Variants in PI4KA observed in about 807,000 individuals in gnomAD.
PI4KA encodes phosphatidylinositol 4-kinase alpha, also known as PI4-kinase alpha.
Under a neutral mutation model 271.4 loss-of-function variants are expected in PI4KA, and 122 were observed. The observed-to-expected ratio is 0.45, with a 90% CI of 0.39 to 0.52. PI4KA has a LOEUF of 0.52. Among genes scored for constraint, PI4KA ranks in the 20% least tolerant of loss-of-function variants. The pLI is 0.00. For missense variants in PI4KA, 1,969 were observed against 2,769.1 expected (o/e 0.71, Z 6.48); for synonymous variants, 1,041 against 1,078.8 (o/e 0.96, Z 0.69).
At chr22:20,832,116 C>CT (rs1350841437) in intron 3 of PI4KA, among the ~76,000 whole-genome samples, 1,700 of 132,354 alleles carry the variant, frequency 0.013, 27 homozygotes, top group African/African-American at 0.033. Flanking sequence ...TTTTGAAATT[C>CT]TTTTTTTTTT....
intron 19 of PI4KA, among the ~76,000 whole-genome samples, chr22:20,777,456 G>T (rs189125918): frequency 6.6e-6 from 1 of 152,082 alleles, no homozygotes; most frequent in Non-Finnish European, 1.5e-5. Context: ...GACCTCAGAT[G>T]ATCCGCCCAC....
rs4052231 is a variant in PI4KA, at chr22:20,718,368, A to G, written c.5246+325T>C. On this transcript the variant is annotated intron_variant, in intron 44 of 54. Transcript: ENST00000255882. ...TGACACCATGAGGATCGATCCTTCA[A>G]AGTGTGGAGAGGGCAGGGTGGCCTC... Among the ~76,000 whole-genome samples, 152,380 of 152,380 alleles carry G rather than the reference A, an allele frequency of 1. 76,190 individuals are homozygous for G. Among genetic ancestry groups the G allele is most frequent in the Non-Finnish European group, 1 (68,044 of 68,044 alleles).
chr22:20,744,541 T>C, intron 30 of PI4KA, 87 bp downstream of exon 30: 1 of 875,742 alleles, frequency 1.1e-6, no homozygotes, highest in Non-Finnish European at 1.9e-6. Flanking sequence ...CGGGACGCTT[T>C]GTTCATTTTC....
intron 31 of PI4KA, 62 bp from the exon 32 acceptor site, chr22:20,742,417 C>T: frequency 6.3e-7 from 1 of 1,589,818 alleles, no homozygotes; most frequent in Non-Finnish European, 8.6e-7. Context: ...AAACAGCTTC[C>T]CTGGGCCAAC....
At position 20,805,071 on chromosome 22, in the gene PI4KA, T is replaced by C. The variant is rs143314518; in HGVS notation, c.1263A>G (p.Ala421=). Residue 421 remains alanine, a synonymous_variant, in exon 11 of 55, where the codon GCA becomes GCG. Transcript: ENST00000255882. ...QGELQKILHD[A]DRIHNELSPL... ...GGCTCAGCTCATTGTGGATCCGGTCTGCGTCATGTAGAATCTTCTGGAGCT... is the reference window on the plus strand; with the variant it reads ...GGCTCAGCTCATTGTGGATCCGGTCCGCGTCATGTAGAATCTTCTGGAGCT... The C allele has an allele frequency of 2.8e-5, 45 of 1,614,036 alleles. No homozygotes were observed. Among genetic ancestry groups the C allele is most frequent in the Non-Finnish European group, 3.7e-5 (44 of 1,179,986 alleles).
intron 25 of PI4KA, 46 bp downstream of exon 25, chr22:20,752,857 A>G (rs1279558385): frequency 6.3e-7 from 1 of 1,584,784 alleles, no homozygotes; most frequent in Non-Finnish European, 8.7e-7. Flanking sequence ...AAATCACAGA[A>G]GTTTATATAC....
intron 19 of PI4KA, among the ~76,000 whole-genome samples, chr22:20,786,588 G>A (rs1934249501): frequency 6.6e-6 from 1 of 152,198 alleles, no homozygotes; most frequent in African/African-American, 2.4e-5. Context: ...GGAGAAGTGC[G>A]CAGCAGTGTG....
chr22:20,820,266 C>T (rs547264602), intron 5 of PI4KA, among the ~76,000 whole-genome samples: 186 of 152,268 alleles, frequency 1.2e-3, no homozygotes, highest in Non-Finnish European at 2.1e-3. Flanking sequence ...CTTTGGAAGT[C>T]AACTAATCTA....
At chr22:20,812,000 G>A (rs546008592) in intron 8 of PI4KA, among the ~76,000 whole-genome samples, 8 of 127,612 alleles carry the variant, frequency 6.3e-5, no homozygotes, top group East Asian at 4.5e-4. Flanking sequence ...GCGACAGGGC[G>A]AGACTCCATC....
intron 29 of PI4KA, among the ~76,000 whole-genome samples, chr22:20,746,064 T>TTC (rs1930044265): frequency 9.0e-6 from 1 of 110,914 alleles, no homozygotes; most frequent in African/African-American, 4.9e-5. Flanking sequence ...AAAAAGAATT[T>TTC]TTTTTTTTTT....
At chr22:20,742,486 T>G (rs1466989536) in intron 31 of PI4KA, 122 bp downstream of exon 31, 5 of 1,536,274 alleles carry the variant, frequency 3.3e-6, no homozygotes, top group Non-Finnish European at 4.4e-6. Flanking sequence ...TCATGAGAGA[T>G]ACTCCTCTAC....
At chr22:20,803,050 G>T in intron 13 of PI4KA, 141 bp downstream of exon 13, 2 of 808,200 alleles carry the variant, frequency 2.5e-6, no homozygotes, top group Non-Finnish European at 4.1e-6. Flanking sequence ...CCTGGAGCTT[G>T]GAGGGGACGC....
rs1351818908 is a variant in PI4KA at position 20,734,443 on chromosome 22, T to G, written c.3852A>C (p.Gln1284His). ...ADPLAASEAS[Q>H]PKPCPPEVTP... is the part of the protein sequence containing the mutation. Reference sequence around the variant, plus strand: ...TCACTTCGGGGGGACAGGGTTTGGGTTGACTTGCTTCCGAGGCAGCCAGGG... The same window carrying G: ...TCACTTCGGGGGGACAGGGTTTGGGGTGACTTGCTTCCGAGGCAGCCAGGG... The change falls in exon 33 of 55, where the codon CAA becomes CAC. Residue 1284 changes from glutamine to histidine, a missense_variant. Transcript: ENST00000255882. 2 of 1,611,166 alleles carry G rather than the reference T, an allele frequency of 1.2e-6. No individual in the cohort carries two copies. The highest frequency in any genetic ancestry group is 1.7e-6 in the Non-Finnish European group (2 of 1,178,240).
chr22:20,777,446 G>A (rs550984511), intron 19 of PI4KA, among the ~76,000 whole-genome samples: 4 of 152,176 alleles, frequency 2.6e-5, no homozygotes, highest in South Asian at 2.1e-4. Context: ...TCGAACTCCC[G>A]ACCTCAGATG....
chr22:20,710,532 C>T lies in PI4KA; in HGVS notation c.6083+167G>A, dbSNP rs914667380. 2.4e-4 allele frequency: 158 copies of T among 663,036 alleles called. No homozygotes were observed. The African/African-American group carries it at 2.5e-3, about 11-fold the overall frequency. The allele number at this position is 663,036 out of a possible 1,614,324, so 41.1% of individuals were successfully genotyped here. A position where few individuals can be genotyped will look rare whatever the true frequency, so the allele number is the denominator to read the frequency against. The stretch of plus-strand genomic sequence containing the variant: ...ATTAGATGTCCAGAGCAAGAATTTA[C>T]TGGCACAGGTGGGCAGACAGAGGTG... On this transcript the variant is annotated intron_variant, in intron 52 of 54. Transcript: ENST00000255882.
Position 20,804,996 on chromosome 22 carries a change from C to T in PI4KA, c.1338G>A (p.Val446=), listed in dbSNP as rs1935557058. 1.2e-6 allele frequency: 2 copies of T among 1,613,712 alleles called. No individual in the cohort carries two copies. Among genetic ancestry groups the T allele is most frequent in the African/African-American group, 1.3e-5 (1 of 75,050 alleles). ...QANAACVDLM[V]WAVKDEQGAE... is the part of the protein sequence containing the mutation. ...CACCCTGCTCGTCCTTCACAGCCCA[C>T]ACCATGAGGTCCACACAGGCAGCAT... is the stretch of plus-strand genomic sequence containing the variant. Residue 446 remains valine, a synonymous_variant, in exon 11 of 55, where the codon GTG becomes GTA. Coordinates refer to ENST00000255882, the MANE Select transcript of PI4KA (RefSeq NM_058004.4).
intron 1 of PI4KA, among the ~76,000 whole-genome samples, chr22:20,839,457 A>C (rs1279435525): frequency 6.6e-6 from 1 of 152,236 alleles, no homozygotes; most frequent in East Asian, 1.9e-4. Flanking sequence ...GGACAGTCTA[A>C]GTGGGTGTCC....
rs61752249 is a variant in PI4KA at position 20,819,813 on chromosome 22, G to A, written c.617C>T (p.Ser206Leu). The A allele has an allele frequency of 1.5e-5, 24 of 1,613,996 alleles. No individual in the cohort carries two copies. Among genetic ancestry groups the A allele is most frequent in the Non-Finnish European group, 1.9e-5 (23 of 1,179,920 alleles). The change falls in exon 6 of 55, where the codon TCA (serine) becomes TTA (leucine). Residue 206 changes from serine to leucine, a missense_variant. Physicochemically the swap from Ser to Leu is moderately radical, Grantham distance 145. This residue lies in a region of PI4KA where 540 missense variants were observed against 555.5 expected (regional missense o/e 0.97). Transcript: ENST00000255882. Reference sequence around the variant, plus strand: ...AGGAGGGATTTTGGGAAAGAGCTTTGAGAGGAGAGACTCTTCCATGTTGCT... The same window carrying A: ...AGGAGGGATTTTGGGAAAGAGCTTTAAGAGGAGAGACTCTTCCATGTTGCT... ...RYSNMEESLL[S>L]KLFPKIPPHS...
intron 40 of PI4KA, 83 bp from the exon 41 acceptor site, chr22:20,727,480 G>A (rs1486169749): frequency 9.2e-6 from 12 of 1,298,384 alleles, no homozygotes; most frequent in East Asian, 2.5e-5. Context: ...ACACAAGGAC[G>A]GCCATGAGAA....
Sources: gnomAD v4.1 joint callset for allele counts (sites outside exome capture counted in the v4.1 genomes callset) on GRCh38, gnomAD v4.1.1 for gene constraint, gnomAD v4.1.1 regional missense constraint, MANE v1.5 for transcripts, NCBI Gene and HGNC (gene_info 2026-07-23, HGNC 2026-07-21) for gene names.